The following ANXA4 variants were observed in gnomAD, a reference collection of about 807,000 sequenced individuals.
ANXA4 encodes the protein 35-beta calcimedin.
Under a neutral mutation model 49.8 loss-of-function variants are expected in ANXA4, and 39 were observed. That is an observed-to-expected ratio of 0.78 (90% confidence interval 0.61 to 1.02). The LOEUF is 1.02. Among genes scored for constraint, ANXA4 ranks in the 50% least tolerant of loss-of-function variants. ANXA4 has a pLI of 0.00. For missense variants in ANXA4, 360 were observed against 410.1 expected (o/e 0.88, Z 1.05); for synonymous variants, 134 against 152.5 (o/e 0.88, Z 0.89).
At chr2:69,732,224 G>A (rs1346081343) in intron 3 of ANXA4, among the ~76,000 whole-genome samples, 1 of 151,196 alleles carries the variant, frequency 6.6e-6, no homozygotes, top group Non-Finnish European at 1.5e-5. Context: ...TGATCCGGCC[G>A]CCTCGGCCTC....
chr2:69,750,723 T>C (rs1670806641), intron 1 of ANXA4, among the ~76,000 whole-genome samples: 1 of 152,178 alleles, frequency 6.6e-6, no homozygotes, highest in Admixed American at 6.5e-5. Context: ...CTAGCTCTGT[T>C]TTTAAATGGT....
chr2:69,797,620 TC>T (rs1672999021), intron 3 of ANXA4, among the ~76,000 whole-genome samples: 1 of 152,204 alleles, frequency 6.6e-6, no homozygotes, highest in Non-Finnish European at 1.5e-5. Flanking sequence ...CCGGTTAACT[TC>T]CAGACATAAA....
chr2:69,708,292 C>T (rs1471382518), intron 2 of ANXA4, among the ~76,000 whole-genome samples: 2 of 152,150 alleles, frequency 1.3e-5, no homozygotes, highest in South Asian at 2.1e-4. Context: ...CAAACGTGAT[C>T]GCAATGAGCT....
At chr2:69,772,083 G>C (rs915160729) in intron 1 of ANXA4, among the ~76,000 whole-genome samples, 1 of 152,188 alleles carries the variant, frequency 6.6e-6, no homozygotes, top group African/African-American at 2.4e-5. Context: ...TCACTAAAAA[G>C]TGTATCACCT....
At chr2:69,690,359 C>T (rs1677920586) in intron 2 of ANXA4, among the ~76,000 whole-genome samples, 1 of 152,174 alleles carries the variant, frequency 6.6e-6, no homozygotes, top group Non-Finnish European at 1.5e-5. Flanking sequence ...CTGCCTCAGC[C>T]TCCCAAGTAG....
At chr2:69,775,961 T>TTTTATTTATTTATTTATTTATTTATTTA (rs61468872) in intron 1 of ANXA4, among the ~76,000 whole-genome samples, 138 of 104,574 alleles carry the variant, frequency 1.3e-3, no homozygotes, top group African/African-American at 3.4e-3. Flanking sequence ...TTTATTTTTA[T>TTTTATTTATTTATTTATTTATTTATTTA]TTTATTTATT....
chr2:69,758,606 A>G (rs574581509), intron 1 of ANXA4, among the ~76,000 whole-genome samples: 2 of 152,342 alleles, frequency 1.3e-5, no homozygotes, highest in East Asian at 3.9e-4. Context: ...TGGGTGACAG[A>G]GTGAGACCCT....
intron 3 of ANXA4, among the ~76,000 whole-genome samples, chr2:69,736,920 G>C (rs1010608705): frequency 1.1e-4 from 17 of 152,120 alleles, no homozygotes; most frequent in African/African-American, 4.1e-4. Flanking sequence ...TCATGCTTCA[G>C]CCTCCTGAGT....
At chr2:69,734,225 C>G (rs1670183340) in intron 3 of ANXA4, among the ~76,000 whole-genome samples, 1 of 152,222 alleles carries the variant, frequency 6.6e-6, no homozygotes, top group Non-Finnish European at 1.5e-5. Flanking sequence ...GGCCAGCAGC[C>G]AGACTGGACG....
intron 2 of ANXA4, among the ~76,000 whole-genome samples, chr2:69,686,443 T>G (rs528041176): frequency 1.3e-5 from 2 of 152,178 alleles, no homozygotes; most frequent in East Asian, 3.9e-4. Context: ...GTGCTGGAAT[T>G]ACAGGCGTGA....
chr2:69,689,205 C>T (rs1216140387), intron 2 of ANXA4, among the ~76,000 whole-genome samples: 1 of 151,996 alleles, frequency 6.6e-6, no homozygotes, highest in Non-Finnish European at 1.5e-5. Flanking sequence ...CCTCCTGCCT[C>T]AGCCTCCTGA....
intron 2 of ANXA4, among the ~76,000 whole-genome samples, chr2:69,784,106 T>C (rs1194016523): frequency 6.6e-6 from 1 of 152,202 alleles, no homozygotes; most frequent in African/African-American, 2.4e-5. Flanking sequence ...TCCTATATCC[T>C]CTCTGTTTCC....
At chr2:69,754,275 C>T (rs1407923440) in intron 1 of ANXA4, among the ~76,000 whole-genome samples, 2 of 152,154 alleles carry the variant, frequency 1.3e-5, no homozygotes, top group African/African-American at 4.8e-5. Flanking sequence ...TCATGATTGG[C>T]GATCTATACT....
At chr2:69,759,662 A>G (rs1003419638) in intron 1 of ANXA4, among the ~76,000 whole-genome samples, 17 of 152,202 alleles carry the variant, frequency 1.1e-4, no homozygotes, top group African/African-American at 4.1e-4. Flanking sequence ...AGAGGTTAAT[A>G]GTGATAAATA....
intron 2 of ANXA4, among the ~76,000 whole-genome samples, chr2:69,719,299 C>T (rs1229367410): frequency 2.5e-5 from 3 of 120,714 alleles, no homozygotes; most frequent in South Asian, 2.9e-4. Context: ...GGCAGGGTCT[C>T]GCTCTGCACC....
At chr2:69,724,300 T>C (rs1669900244) in intron 3 of ANXA4, among the ~76,000 whole-genome samples, 1 of 152,200 alleles carries the variant, frequency 6.6e-6, no homozygotes, top group Non-Finnish European at 1.5e-5. Flanking sequence ...GCCTAAGGGC[T>C]GCAGCACATG....
chr2:69,716,493 G>C (rs563677560), intron 2 of ANXA4, among the ~76,000 whole-genome samples: 127 of 152,150 alleles, frequency 8.3e-4, no homozygotes, highest in Non-Finnish European at 1.6e-3. Flanking sequence ...GAGGGGGTTG[G>C]AGAGACGGGC....
intron 12 of ANXA4, 99 bp from the exon 13 acceptor site, chr2:69,825,356 GA>G: frequency 1.0e-6 from 1 of 952,998 alleles, no homozygotes; most frequent in South Asian, 1.5e-5. Flanking sequence ...TTAAAGCTAA[GA>G]AAAATCCAGC....
In ANXA4 at chr2:69,656,551, C is replaced by CTTT. The variant is rs34322550; in HGVS notation, n.766+3286_766+3288dup. On this transcript the variant is annotated intron_variant and non_coding_transcript_variant, in intron 2 of 3. Coordinates refer to the ANXA4 transcript ENST00000418066. ...ACATATTTTCCAAATACAGTAGTTC[C>CTTT]TTTTTTTTTTTTTTTTTTTGAGATG... Among the ~76,000 whole-genome samples, 38 of 103,988 alleles carry CTTT rather than the reference C, an allele frequency of 3.7e-4. 1 individual carries two copies. Among genetic ancestry groups the CTTT allele is most frequent in the African/African-American group, 6.2e-4 (16 of 25,742 alleles). 68.2% of individuals were successfully genotyped at this position (103,988 alleles called of 152,430 possible). A position where few individuals can be genotyped will look rare whatever the true frequency, so the allele number is the denominator to read the frequency against.
Sources: gnomAD v4.1 joint callset for allele counts (sites outside exome capture counted in the v4.1 genomes callset) on GRCh38, gnomAD v4.1.1 for gene constraint, MANE v1.5 for transcripts, NCBI Gene and HGNC (gene_info 2026-07-23, HGNC 2026-07-21) for gene names.